Variants in CTNNBL1 observed in about 807,000 individuals in gnomAD.
The protein encoded by CTNNBL1 is catenin beta like 1.
A neutral mutation model predicts 72.7 loss-of-function variants in CTNNBL1; 31 were observed. The observed-to-expected ratio is 0.43, with a 90% CI of 0.32 to 0.58. The LOEUF (loss-of-function observed/expected upper bound fraction) is 0.58. Among genes scored for constraint, CTNNBL1 ranks in the 20% least tolerant of loss-of-function variants. CTNNBL1 has a pLI of 0.08. For missense variants in CTNNBL1, 534 were observed against 725.1 expected, an observed-to-expected ratio of 0.74 and a Z score of 3.03; for synonymous variants, 240 against 267.3, an observed-to-expected ratio of 0.90 and a Z score of 1.00.
Position 37,860,022 on chromosome 20 carries a change from G to A in CTNNBL1, c.1516G>A (p.Ala506Thr), listed in dbSNP as rs2072477729. ...ICYIMAEICN[A>T]NVPQIRQRVH... ...CTACATCATGGCCGAGATCTGCAATGCCAATGTCCCCCAGGTAGGAGGGTC... is the reference window on the plus strand; with the variant it reads ...CTACATCATGGCCGAGATCTGCAATACCAATGTCCCCCAGGTAGGAGGGTC... Residue 506 changes from alanine (A) to threonine (T), a missense_variant, in exon 14 of 16, where the codon GCC becomes ACC. Ala to Thr is a moderately conservative substitution (Grantham distance 58). Transcript: ENST00000361383. 6.2e-7 allele frequency: 1 copy of A among 1,614,198 alleles called. No homozygotes were observed. The highest frequency in any genetic ancestry group is 8.5e-7 in the Non-Finnish European group (1 of 1,180,042).
intron 11 of CTNNBL1, among the ~76,000 whole-genome samples, chr20:37,819,142 G>T (rs1243110067): frequency 6.6e-6 from 1 of 152,080 alleles, no homozygotes; most frequent in Non-Finnish European, 1.5e-5. Context: ...TTGTCAAATC[G>T]CCTTTGTGTA....
chr20:37,840,099 C>T lies in CTNNBL1; in HGVS notation c.1214-3C>T. On this transcript the variant is annotated splice_polypyrimidine_tract_variant and splice_region_variant and intron_variant, in intron 11 of 15. Transcript: ENST00000361383. ...ATGTTCTCTTTTCTCTTTCCCAACC[C>T]AGAGCATGTCTGTTCGATCCTGGCT... The T allele has an allele frequency of 6.2e-7, 1 of 1,611,044 alleles. No homozygotes were observed. The highest frequency in any genetic ancestry group is 8.5e-7 in the Non-Finnish European group (1 of 1,177,306).
At position 37,872,115 on chromosome 20, in the gene CTNNBL1, G is replaced by A. The variant is rs1402973741; in HGVS notation, c.*102G>A. ...TTTTGGACAAATTAAAGCTAGTTTT[G>A]GTATCCCCGGGCCAGTTTTCTTTGT... On this transcript the variant is annotated 3_prime_UTR_variant, in exon 16 of 16. Coordinates refer to ENST00000361383, the MANE Select transcript of CTNNBL1 (RefSeq NM_030877.5). 5 of 1,040,360 alleles carry A rather than the reference G, an allele frequency of 4.8e-6. 1 individual carries two copies. Among genetic ancestry groups the A allele is most frequent in the South Asian group, 2.7e-5 (2 of 74,176 alleles). The allele number at this position is 1,040,360 out of a possible 1,614,324, so 64.4% of individuals were successfully genotyped here.
At chr20:37,754,073 C>G (rs1233880762) in intron 4 of CTNNBL1, among the ~76,000 whole-genome samples, 1 of 152,156 alleles carries the variant, frequency 6.6e-6, no homozygotes, top group Non-Finnish European at 1.5e-5. Context: ...ATTGACTCTT[C>G]ATCTGTTGGT....
intron 10 of CTNNBL1, among the ~76,000 whole-genome samples, chr20:37,781,064 A>T (rs192231970): frequency 5.3e-5 from 8 of 152,296 alleles, no homozygotes; most frequent in Admixed American, 2.0e-4. Context: ...AACAATTTTT[A>T]AAAAAATGCA....
chr20:37,752,976 C>T (rs2073334295), intron 4 of CTNNBL1, among the ~76,000 whole-genome samples: 1 of 152,066 alleles, frequency 6.6e-6, no homozygotes, highest in Non-Finnish European at 1.5e-5. Flanking sequence ...AAAAACCTAT[C>T]ACCCATGCCC....
chr20:37,833,139 T>G (rs1910162996), intron 11 of CTNNBL1, among the ~76,000 whole-genome samples: 1 of 152,206 alleles, frequency 6.6e-6, no homozygotes, highest in Non-Finnish European at 1.5e-5. Context: ...GCAAATCACA[T>G]TCCTTCTCAG....
At chr20:37,787,406 G>A (rs1341734381) in intron 10 of CTNNBL1, among the ~76,000 whole-genome samples, 25 of 146,816 alleles carry the variant, frequency 1.7e-4, no homozygotes, top group African/African-American at 6.0e-4. Context: ...GTGCAGTGGC[G>A]GGATCTCGGC....
intron 11 of CTNNBL1, among the ~76,000 whole-genome samples, chr20:37,810,837 C>T (rs1187968097): frequency 1.3e-5 from 2 of 152,130 alleles, no homozygotes; most frequent in Non-Finnish European, 2.9e-5. Flanking sequence ...TTAGGTTGGT[C>T]TCCTGGTTCT....
intron 4 of CTNNBL1, among the ~76,000 whole-genome samples, chr20:37,752,570 A>G (rs1008455579): frequency 1.3e-5 from 2 of 150,062 alleles, no homozygotes; most frequent in African/African-American, 2.5e-5. Context: ...TTTTTTTTTA[A>G]TAACTTTGTT....
chr20:37,705,809 G>A (rs2072880390), intron 1 of CTNNBL1, among the ~76,000 whole-genome samples: 1 of 152,108 alleles, frequency 6.6e-6, no homozygotes, highest in South Asian at 2.1e-4. Flanking sequence ...TCTGAGTCTT[G>A]TGTAGCTGTA....
At chr20:37,802,800 C>CTTT in intron 10 of CTNNBL1, 67 bp from the exon 11 acceptor site, 7 of 1,037,886 alleles carry the variant, frequency 6.7e-6, no homozygotes, top group Admixed American at 2.5e-5. Flanking sequence ...AGCAAATACC[C>CTTT]TTTTTTTTTT....
At chr20:37,788,477 C>T (rs938837739) in intron 10 of CTNNBL1, among the ~76,000 whole-genome samples, 2 of 152,216 alleles carry the variant, frequency 1.3e-5, no homozygotes, top group African/African-American at 4.8e-5. Flanking sequence ...CTTGCCTGAA[C>T]ATATTTAGTT....
chr20:37,714,495 C>T (rs937449776), intron 1 of CTNNBL1, among the ~76,000 whole-genome samples: 7 of 152,138 alleles, frequency 4.6e-5, no homozygotes, highest in African/African-American at 1.7e-4. Flanking sequence ...TTGAGTGAAT[C>T]TTGCTTTAAG....
chr20:37,789,227 A>G (rs1784928578), intron 10 of CTNNBL1, among the ~76,000 whole-genome samples: 1 of 152,210 alleles, frequency 6.6e-6, no homozygotes, highest in Non-Finnish European at 1.5e-5. Flanking sequence ...GTGTACTGAA[A>G]GGCGGAGAGG....
intron 15 of CTNNBL1, among the ~76,000 whole-genome samples, chr20:37,869,534 C>T (rs781038990): frequency 5.9e-5 from 9 of 152,220 alleles, no homozygotes; most frequent in African/African-American, 9.6e-5. Flanking sequence ...GGGAGGAAGG[C>T]GAAAGCCCCT....
intron 11 of CTNNBL1, among the ~76,000 whole-genome samples, chr20:37,827,983 C>T (rs912142845): frequency 3.3e-5 from 5 of 152,138 alleles, no homozygotes; most frequent in Admixed American, 6.5e-5. Flanking sequence ...GTCTGGAATG[C>T]GTTTCCCCCT....
chr20:37,788,236 T>G (rs1260410440), intron 10 of CTNNBL1, among the ~76,000 whole-genome samples: 1 of 152,220 alleles, frequency 6.6e-6, no homozygotes, highest in East Asian at 1.9e-4. Context: ...CGGCTGTGTC[T>G]TCAATTGTAC....
At position 37,779,288 on chromosome 20, in the gene CTNNBL1, G is replaced by A; in HGVS notation, c.984G>A (p.Glu328=). The change falls in exon 10 of 16, where the codon GAG becomes GAA. Residue 328 remains glutamate (E), a synonymous_variant. Transcript: ENST00000361383. ...CSCLMLSSNR[E]RFLKGEGLQL... ...GTCTAATGCTTAGTTCCAATCGTGA[G>A]CGCTTCCTGAAGGGCGAGGGTCTTC... is the stretch of plus-strand genomic sequence containing the variant. 6.2e-7 allele frequency: 1 copy of A among 1,613,790 alleles called. No individual in the cohort carries two copies. The highest frequency in any genetic ancestry group is 1.1e-5 in the South Asian group (1 of 91,062).
Sources: gnomAD v4.1 joint callset for allele counts (sites outside exome capture counted in the v4.1 genomes callset) on GRCh38, gnomAD v4.1.1 for gene constraint, MANE v1.5 for transcripts, NCBI Gene and HGNC (gene_info 2026-07-23, HGNC 2026-07-21) for gene names.